TNNI3K: variants seen among roughly 807,000 people sequenced by gnomAD.
TNNI3K encodes the protein serine/threonine-protein kinase TNNI3K.
TNNI3K carries 140 observed loss-of-function variants against 114.5 expected under a neutral mutation model. The ratio of observed to expected loss-of-function variants is 1.22; its 90% CI spans 1.07 to 1.41. TNNI3K has a LOEUF of 1.41. Ranked by LOEUF, TNNI3K falls within the 40% of genes most tolerant of loss-of-function variation. The pLI, the probability that TNNI3K is intolerant of heterozygous loss-of-function variation, is 0.00. For synonymous variants in TNNI3K, 347 were observed against 347.5 expected (o/e 1.00, Z 0.02); for missense variants, 1,125 against 1,007.6 (o/e 1.12, Z -1.58).
At chr1:74,397,781 A>G (rs1028075751) in intron 17 of TNNI3K, among the ~76,000 whole-genome samples, 4 of 152,238 alleles carry the variant, frequency 2.6e-5, no homozygotes, top group Non-Finnish European at 5.9e-5. Flanking sequence ...GCATAACACA[A>G]TGGCTATGCT....
chr1:74,478,250 A>T (rs1301970203), intron 21 of TNNI3K, among the ~76,000 whole-genome samples: 1 of 152,226 alleles, frequency 6.6e-6, no homozygotes, highest in African/African-American at 2.4e-5. Context: ...CTACAATTTA[A>T]CAATTATTTG....
intron 17 of TNNI3K, among the ~76,000 whole-genome samples, chr1:74,404,016 A>G (rs760441576): frequency 1.3e-5 from 2 of 152,114 alleles, no homozygotes; most frequent in Non-Finnish European, 2.9e-5. Context: ...CCTGGACCCC[A>G]CTGCCCACCC....
intron 23 of TNNI3K, among the ~76,000 whole-genome samples, chr1:74,526,531 A>G (rs1180708322): frequency 6.6e-6 from 1 of 152,248 alleles, no homozygotes; most frequent in Non-Finnish European, 1.5e-5. Context: ...TCTCAGCTAT[A>G]GGATGAAAAT....
chr1:74,299,587 T>G (rs1417740651), intron 5 of TNNI3K, among the ~76,000 whole-genome samples: 1 of 152,130 alleles, frequency 6.6e-6, no homozygotes, highest in East Asian at 1.9e-4. Flanking sequence ...TCTCTTTATA[T>G]TATCATAACT....
intron 23 of TNNI3K, among the ~76,000 whole-genome samples, chr1:74,535,474 C>T (rs998860658): frequency 3.9e-5 from 6 of 151,932 alleles, no homozygotes; most frequent in Admixed American, 6.6e-5. Context: ...TGTCTCAAAT[C>T]AAACAAACAA....
intron 5 of TNNI3K, among the ~76,000 whole-genome samples, chr1:74,331,063 A>G (rs1414570074): frequency 6.6e-6 from 1 of 152,156 alleles, no homozygotes; most frequent in African/African-American, 2.4e-5. Flanking sequence ...CTGGGAGGAG[A>G]TGGCATTTTA....
chr1:74,254,676 A>AT (rs1192915467), intron 4 of TNNI3K, among the ~76,000 whole-genome samples: 1 of 152,132 alleles, frequency 6.6e-6, no homozygotes, highest in African/African-American at 2.4e-5. Flanking sequence ...GGCCTGACTC[A>AT]TTGTTAGAGG....
intron 12 of TNNI3K, among the ~76,000 whole-genome samples, chr1:74,367,688 A>T (rs1327340517): frequency 3.9e-5 from 6 of 151,966 alleles, no homozygotes; most frequent in Non-Finnish European, 8.8e-5. Context: ...GAGACAAATT[A>T]AATCTGCTAG....
chr1:74,347,750 A>G (rs1226298258), intron 9 of TNNI3K, among the ~76,000 whole-genome samples: 1 of 152,214 alleles, frequency 6.6e-6, no homozygotes, highest in Non-Finnish European at 1.5e-5. Context: ...TCTGATGGCC[A>G]GTGATGGTGA....
rs868392016 is a variant in TNNI3K, at chr1:74,500,660, T to C, written c.2351+8394T>C. On this transcript the variant is annotated intron_variant, in intron 23 of 24. Coordinates refer to ENST00000326637, the MANE Select transcript of TNNI3K (RefSeq NM_015978.3). ...AAAAAAAAAAAAAAAAAAAAAAAAA[T>C]TATTTAAGCCTCACTCTGTTGGAAG... 9.0e-3 allele frequency among the ~76,000 whole-genome samples: 1,007 copies of C among 111,582 alleles called. 17 individuals are homozygous for C. The highest frequency in any genetic ancestry group is 0.03 in the African/African-American group (977 of 32,570). The allele number at this position is 111,582 out of a possible 152,430, so 73.2% of individuals were successfully genotyped here. A position where few individuals can be genotyped will look rare whatever the true frequency, so the allele number is the denominator to read the frequency against.
intron 17 of TNNI3K, among the ~76,000 whole-genome samples, chr1:74,432,133 A>G (rs1468803475): frequency 6.6e-6 from 1 of 152,086 alleles, no homozygotes; most frequent in Non-Finnish European, 1.5e-5. Context: ...ATATTATAGT[A>G]TAAGTATAGT....
Position 74,284,253 on chromosome 1 carries a change from G to A in TNNI3K, c.444+12545G>A, listed in dbSNP as rs951427976. ...GAGTATTGGATATTCTATAAACATC[G>A]TGTGAGTTGTTCTTCTTGATGACTC... is the stretch of plus-strand genomic sequence containing the variant. On this transcript the variant is annotated intron_variant, in intron 5 of 24. Coordinates refer to ENST00000326637, the MANE Select transcript of TNNI3K (RefSeq NM_015978.3). Among the ~76,000 whole-genome samples, 7 of 152,136 alleles carry A rather than the reference G, an allele frequency of 4.6e-5. No homozygotes were observed. In the East Asian group the frequency reaches 9.6e-4, roughly 21 times the overall value.
chr1:74,499,126 G>A (rs1356113909), intron 23 of TNNI3K, among the ~76,000 whole-genome samples: 1 of 152,158 alleles, frequency 6.6e-6, no homozygotes, highest in Non-Finnish European at 1.5e-5. Flanking sequence ...TGGGTTACAA[G>A]GGACAACCAG....
intron 21 of TNNI3K, chr1:74,480,715 C>T: frequency 2.8e-6 from 2 of 717,408 alleles, no homozygotes; most frequent in African/African-American, 1.7e-5. Flanking sequence ...CATTATTGCT[C>T]AGCACCAGTA....
chr1:74,485,773 C>G (rs1668727031), intron 21 of TNNI3K, among the ~76,000 whole-genome samples: 1 of 152,158 alleles, frequency 6.6e-6, no homozygotes, highest in East Asian at 1.9e-4. Flanking sequence ...TGTGAACTGC[C>G]TATTTGGCAA....
rs1336360719 is a variant in TNNI3K, at chr1:74,369,410, T to G, written c.1492T>G (p.Cys498Gly). 1 of 1,610,944 alleles carries G rather than the reference T, an allele frequency of 6.2e-7. No individual in the cohort carries two copies. The highest frequency in any genetic ancestry group is 1.3e-5 in the African/African-American group (1 of 74,732). Residue 498 changes from cysteine (C) to glycine (G), a missense_variant, in exon 16 of 25, where the codon TGC (cysteine) becomes GGC (glycine). By Grantham distance (159) the Cys-to-Gly change is radical. Coordinates refer to ENST00000326637, the MANE Select transcript of TNNI3K (RefSeq NM_015978.3). ...TTCCAGTTATCGAGCCAATACCTAC[T>G]GCTCCAAGTCAGATGTGGATATGTT... ...AIKRYRANTYCSKSDVDMFCR... is the reference protein window; with the variant it reads ...AIKRYRANTYGSKSDVDMFCR...
chr1:74,337,653 A>G (rs1229630212), intron 7 of TNNI3K, among the ~76,000 whole-genome samples: 3 of 152,136 alleles, frequency 2.0e-5, no homozygotes, highest in Admixed American at 1.3e-4. Flanking sequence ...AACCACCCAG[A>G]TCAAGATTTA....
chr1:74,382,796 T>A (rs988924893), intron 17 of TNNI3K, among the ~76,000 whole-genome samples: 35 of 152,264 alleles, frequency 2.3e-4, no homozygotes, highest in African/African-American at 8.4e-4. Flanking sequence ...ATAGATGAAA[T>A]AGTGTTAGAG....
At chr1:74,403,719 A>T (rs564855960) in intron 17 of TNNI3K, among the ~76,000 whole-genome samples, 2 of 152,284 alleles carry the variant, frequency 1.3e-5, no homozygotes, top group African/African-American at 4.8e-5. Flanking sequence ...TTTCATTCTT[A>T]TATGAATCTT....
Sources: allele counts gnomAD v4.1 joint callset (sites outside exome capture counted in the v4.1 genomes callset), GRCh38; gene constraint gnomAD v4.1.1; transcripts MANE v1.5; gene names NCBI Gene and HGNC (gene_info 2026-07-23, HGNC 2026-07-21).